The following IQCM variants were observed in gnomAD, a reference collection of about 807,000 sequenced individuals.
IQCM encodes the protein IQ motif containing M.
IQCM carries 45 observed loss-of-function variants against 57.6 expected under a neutral mutation model. The ratio of observed to expected loss-of-function variants is 0.78; its 90% CI spans 0.62 to 1.00. IQCM has a LOEUF of 1.00. Ranked by LOEUF, IQCM falls within the 50% of genes least tolerant of loss-of-function variation. The pLI is 0.00. For synonymous variants in IQCM, 148 were observed against 158.9 expected (o/e 0.93, Z 0.51); for missense variants, 468 against 511.6 (o/e 0.91, Z 0.82).
chr4:149,726,103 G>T (rs1298385291), intron 5 of IQCM, among the ~76,000 whole-genome samples: 1 of 142,550 alleles, frequency 7.0e-6, no homozygotes, highest in Non-Finnish European at 1.5e-5. Flanking sequence ...AAGAAAGAAA[G>T]AAAGAAAGAA....
intron 7 of IQCM, among the ~76,000 whole-genome samples, chr4:149,635,975 C>A (rs1757683031): frequency 6.6e-6 from 1 of 152,210 alleles, no homozygotes; most frequent in African/African-American, 2.4e-5. Flanking sequence ...ATTACACCAA[C>A]TTTTAGGTAT....
At chr4:149,690,288 T>C (rs2149794729) in intron 5 of IQCM, among the ~76,000 whole-genome samples, 1 of 152,174 alleles carries the variant, frequency 6.6e-6, no homozygotes, top group Middle Eastern at 3.4e-3. Context: ...CTGGATGAGA[T>C]TGGAGACTAT....
chr4:149,768,784 G>A (rs1021147932), intron 2 of IQCM, among the ~76,000 whole-genome samples: 1 of 151,940 alleles, frequency 6.6e-6, no homozygotes, highest in Non-Finnish European at 1.5e-5. Flanking sequence ...AATTATCAAA[G>A]GTTTAGGATA....
At chr4:149,507,183 T>G in intron 12 of IQCM, among the ~76,000 whole-genome samples, 1 of 152,180 alleles carries the variant, frequency 6.6e-6, no homozygotes, top group Non-Finnish European at 1.5e-5. Flanking sequence ...CTCTTTCTAT[T>G]GTAAATTGCC....
intron 13 of IQCM, among the ~76,000 whole-genome samples, chr4:149,400,213 T>C (rs546178584): frequency 1.3e-5 from 2 of 152,010 alleles, no homozygotes; most frequent in African/African-American, 4.8e-5. Context: ...GTTTTTTTTT[T>C]TTGTTTGGGT....
At chr4:149,509,868 T>A (rs1192058618) in intron 12 of IQCM, among the ~76,000 whole-genome samples, 2 of 152,108 alleles carry the variant, frequency 1.3e-5, no homozygotes, top group African/African-American at 2.4e-5. Context: ...TGGTCCAATG[T>A]ACTCACCTGT....
intron 12 of IQCM, among the ~76,000 whole-genome samples, chr4:149,501,674 CCTG>C (rs1743256989): frequency 6.6e-6 from 1 of 152,144 alleles, no homozygotes; most frequent in Admixed American, 6.5e-5. Flanking sequence ...TCCAAATTAT[CCTG>C]CTAAGAAACA....
intron 7 of IQCM, among the ~76,000 whole-genome samples, chr4:149,640,172 G>T (rs961901764): frequency 6.6e-6 from 1 of 152,164 alleles, no homozygotes; most frequent in African/African-American, 2.4e-5. Flanking sequence ...TGGGTACATA[G>T]TAGGCATATA....
chr4:149,687,121 T>A, intron 5 of IQCM, among the ~76,000 whole-genome samples: 1 of 151,630 alleles, frequency 6.6e-6, no homozygotes, highest in South Asian at 2.1e-4. Context: ...TTCTAGCTAC[T>A]AGCTCAGATA....
chr4:149,354,768 T>C (rs113261535), intron 13 of IQCM, among the ~76,000 whole-genome samples: 184 of 152,250 alleles, frequency 1.2e-3, no homozygotes, highest in Non-Finnish European at 2.1e-3. Context: ...ATAATATATA[T>C]CTTGTCCAAT....
intron 2 of IQCM, among the ~76,000 whole-genome samples, chr4:149,760,462 G>C (rs1250507250): frequency 2.0e-5 from 3 of 152,090 alleles, no homozygotes; most frequent in African/African-American, 7.2e-5. Flanking sequence ...TTATACATCT[G>C]AATAGCTCAT....
chr4:149,621,189 A>C lies in IQCM; in HGVS notation c.621T>G (p.Ala207=). The C allele has an allele frequency of 8.1e-7, 1 of 1,232,074 alleles. No homozygotes were observed. The highest frequency in any genetic ancestry group is 1.0e-6 in the Non-Finnish European group (1 of 987,884). The allele number at this position is 1,232,074 out of a possible 1,614,324, so 76.3% of individuals were successfully genotyped here. The change falls in exon 8 of 14, where the codon GCT becomes GCG. Residue 207 remains alanine, a synonymous_variant. Transcript: ENST00000636793. ...GFVLTRSFRL[A]CDSRRVSFSQ... ...AGAAACTAACTCGACGGGAGTCACA[A>C]GCCAAACGGAAAGACCTTGTCAGCA...
At chr4:149,561,483 T>G (rs1430669367) in intron 10 of IQCM, among the ~76,000 whole-genome samples, 1 of 152,176 alleles carries the variant, frequency 6.6e-6, no homozygotes, top group African/African-American at 2.4e-5. Flanking sequence ...ACTCAATAGG[T>G]ATTTGTGGAG....
At chr4:149,774,237 C>T (rs1031526864) in intron 2 of IQCM, among the ~76,000 whole-genome samples, 1 of 151,954 alleles carries the variant, frequency 6.6e-6, no homozygotes, top group Non-Finnish European at 1.5e-5. Flanking sequence ...ATAAAATTTA[C>T]AATTTTAACC....
chr4:149,672,482 G>A (rs532024841), intron 7 of IQCM, among the ~76,000 whole-genome samples: 3 of 152,260 alleles, frequency 2.0e-5, no homozygotes, highest in Admixed American at 6.5e-5. Flanking sequence ...TGACGCATGC[G>A]CAAGCTTCAG....
intron 13 of IQCM, among the ~76,000 whole-genome samples, chr4:149,373,812 A>T (rs1028228442): frequency 6.6e-6 from 1 of 152,064 alleles, no homozygotes; most frequent in Non-Finnish European, 1.5e-5. Context: ...GAGAAATTTT[A>T]AAAAATATTT....
intron 2 of IQCM, among the ~76,000 whole-genome samples, chr4:149,811,535 C>A (rs931988306): frequency 2.0e-5 from 3 of 152,208 alleles, no homozygotes; most frequent in African/African-American, 7.2e-5. Context: ...AGTGAATGGA[C>A]TGATCCACAA....
intron 7 of IQCM, among the ~76,000 whole-genome samples, chr4:149,675,215 C>T (rs1761648016): frequency 6.6e-6 from 1 of 151,964 alleles, no homozygotes; most frequent in Non-Finnish European, 1.5e-5. Flanking sequence ...CCAGGGTCTA[C>T]ATTTCTTTAA....
rs1435206110 is a variant in IQCM, at chr4:149,410,551, A to G, written c.1390+22845T>C. The stretch of plus-strand genomic sequence containing the variant: ...ATTTTCATTTTGTAATTTATAAACC[A>G]CTGGCTTGTCATGAAAAATTTGTAT... On this transcript the variant is annotated intron_variant, in intron 13 of 13. Coordinates refer to ENST00000636793, the MANE Select transcript of IQCM (RefSeq NM_001363507.2). Among the ~76,000 whole-genome samples the G allele has an allele frequency of 2.0e-5, 3 of 151,460 alleles. No individual in the cohort carries two copies. In the East Asian group the frequency reaches 5.8e-4, roughly 29 times the overall value.
Sources: allele counts gnomAD v4.1 joint callset (sites outside exome capture counted in the v4.1 genomes callset), GRCh38; gene constraint gnomAD v4.1.1; transcripts MANE v1.5; gene names NCBI Gene and HGNC (gene_info 2026-07-23, HGNC 2026-07-21).